RBFOX1: variants seen among roughly 807,000 people sequenced by gnomAD.
The protein encoded by RBFOX1 is RNA binding protein fox-1 homolog 1.
A neutral mutation model predicts 57.7 loss-of-function variants in RBFOX1; 8 were observed. The observed-to-expected ratio is 0.14, with a 90% CI of 0.08 to 0.25. The LOEUF (loss-of-function observed/expected upper bound fraction) is 0.25. RBFOX1 is among the 10% of genes least tolerant of loss of function. The pLI is 1.00. For missense variants in RBFOX1, 611 were observed against 548.5 expected, an observed-to-expected ratio of 1.11 and a Z score of -1.14; for synonymous variants, 326 against 222.4, an observed-to-expected ratio of 1.47 and a Z score of -4.15.
In RBFOX1 at chr16:5,378,842, G is replaced by A. The variant is rs1033637612; in HGVS notation, c.220-88374G>A. ...TACAGTAGGTGCTTAGAAAATGTTT[G>A]CACAATAAATGTTCATTTTATGATT... On this transcript the variant is annotated intron_variant, in intron 1 of 2. Coordinates refer to the RBFOX1 transcript ENST00000585867. Among the ~76,000 whole-genome samples the A allele has an allele frequency of 3.3e-5, 5 of 151,570 alleles. 1 individual carries two copies. Among genetic ancestry groups the A allele is most frequent in the African/African-American group, 1.2e-4 (5 of 40,836 alleles).
chr16:5,676,228 G>A (rs2050165483), intron 3 of RBFOX1, among the ~76,000 whole-genome samples: 1 of 151,074 alleles, frequency 6.6e-6, no homozygotes, highest in African/African-American at 2.4e-5. Context: ...TGCACGTTCT[G>A]GTATTCCAGA....
chr16:5,759,228 C>T (rs768136437), intron 3 of RBFOX1, among the ~76,000 whole-genome samples: 15 of 152,180 alleles, frequency 9.9e-5, no homozygotes, highest in Non-Finnish European at 7.3e-5. Context: ...TGCATCATAG[C>T]CTGAGGTCTG....
chr16:6,671,434 C>G (rs2098764306), intron 3 of RBFOX1, among the ~76,000 whole-genome samples: 1 of 152,128 alleles, frequency 6.6e-6, no homozygotes, highest in Admixed American at 6.5e-5. Flanking sequence ...CATATTCAAA[C>G]ATCATTTTAT....
intron 1 of RBFOX1, among the ~76,000 whole-genome samples, chr16:5,267,174 A>G (rs866475514): frequency 9.2e-5 from 14 of 152,350 alleles, no homozygotes; most frequent in African/African-American, 2.9e-4. Flanking sequence ...GTGGAAGCCC[A>G]AAGCATTGAG....
intron 1 of RBFOX1, among the ~76,000 whole-genome samples, chr16:5,428,418 A>G (rs2067630080): frequency 6.6e-6 from 1 of 152,166 alleles, no homozygotes; most frequent in Non-Finnish European, 1.5e-5. Context: ...CCGAGTGGAC[A>G]CTAAGTGCCA....
rs373093888 is a variant in RBFOX1, at chr16:6,955,819, C to T, written c.-15-96238C>T. Among the ~76,000 whole-genome samples the T allele has an allele frequency of 2.6e-5, 4 of 152,152 alleles. No homozygotes were observed. In the East Asian group the frequency reaches 5.8e-4, roughly 22 times the overall value. ...TTCCCTGGTTCAAGTGATTCTCCTG[C>T]CTCAGCCTCCTGAGTTGCTGGGATT... On this transcript the variant is annotated intron_variant, in intron 3 of 15. Transcript: ENST00000550418.
chr16:5,285,989 C>G (rs1385509011), intron 1 of RBFOX1, among the ~76,000 whole-genome samples: 1 of 152,128 alleles, frequency 6.6e-6, no homozygotes, highest in African/African-American at 2.4e-5. Context: ...CCGGGCTGGT[C>G]TCGAACTCCT....
At chr16:7,112,111 C>G (rs1052224524) in intron 4 of RBFOX1, among the ~76,000 whole-genome samples, 1 of 152,080 alleles carries the variant, frequency 6.6e-6, no homozygotes, top group Non-Finnish European at 1.5e-5. Flanking sequence ...TGATCTTATG[C>G]GTTAGACCAA....
At chr16:6,426,202 C>A (rs1005237258) in intron 2 of RBFOX1, among the ~76,000 whole-genome samples, 5 of 151,884 alleles carry the variant, frequency 3.3e-5, no homozygotes, top group African/African-American at 1.2e-4. Flanking sequence ...CGTTCTGTCC[C>A]TCTTTCCCTC....
chr16:5,536,104 C>CG (rs1006664522), intron 2 of RBFOX1, among the ~76,000 whole-genome samples: 2 of 149,334 alleles, frequency 1.3e-5, no homozygotes, highest in East Asian at 2.0e-4. Flanking sequence ...AGCCCCCCCC[C>CG]CCTTTTTTTT....
chr16:6,457,644 G>A (rs750198880), intron 2 of RBFOX1, among the ~76,000 whole-genome samples: 1 of 152,138 alleles, frequency 6.6e-6, no homozygotes, highest in East Asian at 1.9e-4. Context: ...CCCGTTTTAT[G>A]AGCATAGTTG....
chr16:7,395,545 C>T (rs1388100366), intron 4 of RBFOX1, among the ~76,000 whole-genome samples: 1 of 152,112 alleles, frequency 6.6e-6, no homozygotes, highest in Non-Finnish European at 1.5e-5. Flanking sequence ...AGAAGCAGAG[C>T]TCATTAAGGG....
chr16:7,669,648 CAATT>C (rs1040229146), intron 13 of RBFOX1, among the ~76,000 whole-genome samples: 1 of 152,154 alleles, frequency 6.6e-6, no homozygotes, highest in African/African-American at 2.4e-5. Flanking sequence ...TGGCTAAACA[CAATT>C]ATTTCTGAAT....
chr16:5,536,112 T>G (rs1342371720), intron 2 of RBFOX1, among the ~76,000 whole-genome samples: 1 of 147,108 alleles, frequency 6.8e-6, no homozygotes, highest in Non-Finnish European at 1.5e-5. Context: ...CCCCCTTTTT[T>G]TTCTTTTTTA....
At chr16:6,772,699 G>A (rs2078526712) in intron 3 of RBFOX1, among the ~76,000 whole-genome samples, 1 of 150,240 alleles carries the variant, frequency 6.7e-6, no homozygotes, top group Non-Finnish European at 1.5e-5. Flanking sequence ...ATATGTGGGT[G>A]TGGGATGCAT....
At chr16:6,749,367 C>T (rs913596980) in intron 3 of RBFOX1, among the ~76,000 whole-genome samples, 4 of 152,194 alleles carry the variant, frequency 2.6e-5, no homozygotes, top group African/African-American at 9.6e-5. Context: ...GTGCTCAGGA[C>T]ATGAGTGCCA....
At chr16:6,146,958 T>G (rs1285585820) in intron 1 of RBFOX1, among the ~76,000 whole-genome samples, 1 of 152,130 alleles carries the variant, frequency 6.6e-6, no homozygotes, top group Non-Finnish European at 1.5e-5. Flanking sequence ...CACAACATCC[T>G]TAGCTCCTCC....
At chr16:6,301,297 A>G (rs760055749) in intron 1 of RBFOX1, among the ~76,000 whole-genome samples, 14 of 152,230 alleles carry the variant, frequency 9.2e-5, no homozygotes, top group Non-Finnish European at 1.6e-4. Context: ...AAGAATGTAG[A>G]CTATGGCTAG....
At chr16:7,660,791 C>G (rs1049150381) in intron 12 of RBFOX1, among the ~76,000 whole-genome samples, 1 of 152,308 alleles carries the variant, frequency 6.6e-6, no homozygotes, top group Non-Finnish European at 1.5e-5. Flanking sequence ...GGGGCCCAGC[C>G]ATCTGTGTTT....
Sources: allele counts gnomAD v4.1 joint callset (sites outside exome capture counted in the v4.1 genomes callset), GRCh38; gene constraint gnomAD v4.1.1; transcripts MANE v1.5; gene names NCBI Gene and HGNC (gene_info 2026-07-23, HGNC 2026-07-21).